Variants in C13orf42 observed in about 807,000 individuals in gnomAD.
C13orf42 encodes the protein uncharacterized protein C13orf42.
chr13:51,127,299 G>A (rs1181261623), intron 1 of C13orf42, among the ~76,000 whole-genome samples: 4 of 152,198 alleles, frequency 2.6e-5, no homozygotes, highest in Non-Finnish European at 4.4e-5. Flanking sequence ...GCAATTTACC[G>A]ACTCACTCAA....
chr13:51,096,046 T>C (rs1953231667), intron 1 of C13orf42, among the ~76,000 whole-genome samples: 1 of 152,196 alleles, frequency 6.6e-6, no homozygotes, highest in Non-Finnish European at 1.5e-5. Flanking sequence ...GATAAGATTT[T>C]AGCTGGGACT....
intron 1 of C13orf42, among the ~76,000 whole-genome samples, chr13:51,109,859 C>G (rs554799158): frequency 1.3e-5 from 2 of 152,144 alleles, no homozygotes; most frequent in African/African-American, 2.4e-5. Flanking sequence ...CACTGAGCCT[C>G]GGTTTTCCCT....
At chr13:51,102,103 T>G (rs1048588271) in intron 1 of C13orf42, among the ~76,000 whole-genome samples, 1 of 152,204 alleles carries the variant, frequency 6.6e-6, no homozygotes, top group African/African-American at 2.4e-5. Context: ...GGAAATTTTT[T>G]GCAGTTCATA....
chr13:51,152,041 G>T (rs1953781840), intron 1 of C13orf42, among the ~76,000 whole-genome samples: 1 of 152,182 alleles, frequency 6.6e-6, no homozygotes, highest in African/African-American at 2.4e-5. Flanking sequence ...GATCCCAGGG[G>T]ATTCATAGGT....
At chr13:51,094,494 G>A (rs1007213553) in intron 1 of C13orf42, among the ~76,000 whole-genome samples, 1 of 152,026 alleles carries the variant, frequency 6.6e-6, no homozygotes, top group South Asian at 2.1e-4. Context: ...TACCCTCTTT[G>A]CTTTAGACAA....
intron 1 of C13orf42, among the ~76,000 whole-genome samples, chr13:51,091,438 G>A (rs1470115393): frequency 6.6e-6 from 1 of 152,160 alleles, no homozygotes; most frequent in Non-Finnish European, 1.5e-5. Flanking sequence ...ATAAACAAAT[G>A]TAAGTGAATA....
At chr13:51,120,648 G>T (rs1404954790) in intron 1 of C13orf42, among the ~76,000 whole-genome samples, 1 of 152,202 alleles carries the variant, frequency 6.6e-6, no homozygotes, top group Non-Finnish European at 1.5e-5. Context: ...GGAGTTAGAA[G>T]ACCTGGGTTC....
upstream of C13orf42, among the ~76,000 whole-genome samples, chr13:51,115,712 T>C (rs1385348831): frequency 2.0e-5 from 3 of 152,084 alleles, no homozygotes; most frequent in Non-Finnish European, 4.4e-5. Context: ...AAGGGGACGC[T>C]GAGAAAAGGA....
chr13:51,125,669 G>A (rs1474058172), intron 1 of C13orf42, among the ~76,000 whole-genome samples: 2 of 152,006 alleles, frequency 1.3e-5, no homozygotes, highest in Non-Finnish European at 2.9e-5. Context: ...CCACCCCCCA[G>A]TGTCTACGAA....
At chr13:51,107,076 G>T (rs1413458085) in intron 1 of C13orf42, among the ~76,000 whole-genome samples, 1 of 152,202 alleles carries the variant, frequency 6.6e-6, no homozygotes, top group Admixed American at 6.5e-5. Context: ...CCCACCCGAG[G>T]CTCACCTCGC....
At chr13:51,166,193 T>A (rs1733266238) in intron 1 of C13orf42, among the ~76,000 whole-genome samples, 1 of 152,088 alleles carries the variant, frequency 6.6e-6, no homozygotes, top group South Asian at 2.1e-4. Flanking sequence ...CATGGAGAAG[T>A]CATGTAATTT....
At chr13:51,088,124 A>G (rs1953149033) in intron 1 of C13orf42, 49 bp from the exon 2 acceptor site, 3 of 398,508 alleles carry the variant, frequency 7.5e-6, no homozygotes, top group Non-Finnish European at 1.3e-5. Flanking sequence ...CCAGTAAGCC[A>G]GAGACTCAGA....
At chr13:51,134,441 CG>C (rs1566135608) in intron 1 of C13orf42, among the ~76,000 whole-genome samples, 1 of 152,082 alleles carries the variant, frequency 6.6e-6, no homozygotes, top group Non-Finnish European at 1.5e-5. Flanking sequence ...AGATACCTCT[CG>C]GCAAAGGGGC....
intron 1 of C13orf42, among the ~76,000 whole-genome samples, chr13:51,104,042 T>C (rs1400184344): frequency 2.0e-5 from 3 of 152,236 alleles, no homozygotes; most frequent in Non-Finnish European, 2.9e-5. Flanking sequence ...TTAAAATATT[T>C]TACTTTAAAA....
intron 1 of C13orf42, among the ~76,000 whole-genome samples, chr13:51,161,269 C>G (rs958833405): frequency 2.0e-5 from 3 of 151,752 alleles, no homozygotes; most frequent in African/African-American, 7.2e-5. Flanking sequence ...ACACAACTAA[C>G]TCCTACTAAG....
intron 1 of C13orf42, among the ~76,000 whole-genome samples, chr13:51,103,058 A>C (rs974513464): frequency 1.3e-5 from 2 of 152,210 alleles, no homozygotes; most frequent in Non-Finnish European, 2.9e-5. Context: ...TAGTCAAGTC[A>C]TATCAACAAG....
intron 1 of C13orf42, among the ~76,000 whole-genome samples, chr13:51,107,258 T>C (rs1953367904): frequency 6.6e-6 from 1 of 152,250 alleles, no homozygotes; most frequent in Admixed American, 6.5e-5. Context: ...GAAAGCCATA[T>C]GTCTTGATCC....
At chr13:51,167,255 TCAAA>T (rs1457350525) in intron 1 of C13orf42, among the ~76,000 whole-genome samples, 1 of 151,696 alleles carries the variant, frequency 6.6e-6, no homozygotes, top group Admixed American at 6.6e-5. Context: ...ACACACACAC[TCAAA>T]CACTCTCTCT....
At chr13:51,119,488 G>A (rs1344235625) in intron 1 of C13orf42, among the ~76,000 whole-genome samples, 2 of 152,098 alleles carry the variant, frequency 1.3e-5, no homozygotes, top group Admixed American at 6.5e-5. Context: ...AAATCGCCAA[G>A]AGGTGGAAGC....
Sources: gnomAD v4.1 joint callset for allele counts (sites outside exome capture counted in the v4.1 genomes callset) on GRCh38, gnomAD v4.1.1 for gene constraint, MANE v1.5 for transcripts, NCBI Gene and HGNC (gene_info 2026-07-23, HGNC 2026-07-21) for gene names.